The following FTO variants were observed in gnomAD, a reference collection of about 807,000 sequenced individuals.
FTO encodes the protein FTO alpha-ketoglutarate dependent dioxygenase, also known as alpha-ketoglutarate-dependent dioxygenase FTO.
Under a neutral mutation model 63.9 loss-of-function variants are expected in FTO, and 47 were observed. The ratio of observed to expected loss-of-function variants is 0.74; its 90% confidence interval spans 0.58 to 0.94. The LOEUF is 0.94. Ranked by LOEUF, FTO falls within the 40% of genes least tolerant of loss-of-function variation. FTO has a pLI of 0.00. For synonymous variants in FTO, 207 were observed against 224.4 expected (o/e 0.92, Z 0.69); for missense variants, 562 against 618.1 (o/e 0.91, Z 0.96).
intron 7 of FTO, among the ~76,000 whole-genome samples, chr16:53,891,340 CAA>C (rs1046629261): frequency 7.7e-6 from 1 of 129,148 alleles, no homozygotes; most frequent in African/African-American, 3.2e-5. Context: ...TGTTTTTGTT[CAA>C]GAGCTTTTTT....
At chr16:53,815,517 A>G (rs1412746349) in intron 2 of FTO, among the ~76,000 whole-genome samples, 1 of 151,840 alleles carries the variant, frequency 6.6e-6, no homozygotes, top group Non-Finnish European at 1.5e-5. Context: ...TGCCCTCCCC[A>G]GTGCCATCAG....
At chr16:53,835,972 C>T (rs1189458657) in intron 3 of FTO, among the ~76,000 whole-genome samples, 1 of 150,450 alleles carries the variant, frequency 6.6e-6, no homozygotes, top group African/African-American at 2.5e-5. Context: ...TTCACTGCAA[C>T]CTCTGCCTCC....
chr16:53,854,011 A>G (rs12445591), intron 4 of FTO, among the ~76,000 whole-genome samples: 47,039 of 151,990 alleles, frequency 0.31, 8,633 homozygotes, highest in East Asian at 0.63. Flanking sequence ...AATAATGGTC[A>G]TTCTGGCTAG....
intron 6 of FTO, among the ~76,000 whole-genome samples, chr16:53,886,256 T>C (rs1166611306): frequency 6.6e-6 from 1 of 152,216 alleles, no homozygotes; most frequent in Non-Finnish European, 1.5e-5. Context: ...TAATTACATA[T>C]GATAATCTAT....
At chr16:53,803,277 C>G (rs73607080) in intron 1 of FTO, among the ~76,000 whole-genome samples, 1 of 152,148 alleles carries the variant, frequency 6.6e-6, no homozygotes, top group East Asian at 1.9e-4. Flanking sequence ...CTAGGGCTAT[C>G]GCACCACTGC....
chr16:53,870,909 C>T (rs1438390009), intron 4 of FTO, among the ~76,000 whole-genome samples: 1 of 151,954 alleles, frequency 6.6e-6, no homozygotes, highest in Non-Finnish European at 1.5e-5. Context: ...CTTTATTTCA[C>T]TTTTATTTTG....
At chr16:53,754,738 C>T (rs917641599) in intron 1 of FTO, among the ~76,000 whole-genome samples, 6 of 152,154 alleles carry the variant, frequency 3.9e-5, no homozygotes, top group African/African-American at 1.4e-4. Context: ...CATGAAAATA[C>T]CTCAACAACG....
intron 8 of FTO, among the ~76,000 whole-genome samples, chr16:54,048,199 TCTG>T (rs2085225338): frequency 7.1e-6 from 1 of 140,590 alleles, no homozygotes; most frequent in Non-Finnish European, 1.5e-5. Flanking sequence ...AACAAAGACT[TCTG>T]CTGTTTAATG....
intron 4 of FTO, among the ~76,000 whole-genome samples, chr16:53,866,010 C>T (rs1001964923): frequency 1.3e-5 from 2 of 152,166 alleles, no homozygotes; most frequent in African/African-American, 4.8e-5. Flanking sequence ...TTTCATACCG[C>T]TAAGTATGAT....
intron 7 of FTO, among the ~76,000 whole-genome samples, chr16:53,932,924 C>G (rs751059728): frequency 1.3e-5 from 2 of 152,314 alleles, no homozygotes; most frequent in Admixed American, 6.5e-5. Flanking sequence ...GTCTGGCCCA[C>G]ATCCTTCATA....
At chr16:54,016,721 C>T (rs1447159184) in intron 8 of FTO, among the ~76,000 whole-genome samples, 1 of 152,164 alleles carries the variant, frequency 6.6e-6, no homozygotes, top group Non-Finnish European at 1.5e-5. Context: ...AGCCTTTTCT[C>T]TCTCTTCTTG....
chr16:53,872,527 G>A (rs1365018666), intron 4 of FTO, among the ~76,000 whole-genome samples: 1 of 152,176 alleles, frequency 6.6e-6, no homozygotes, highest in Non-Finnish European at 1.5e-5. Context: ...GGCAATTGTA[G>A]GCATCTCTCA....
At chr16:53,959,164 A>G (rs550658059) in intron 8 of FTO, among the ~76,000 whole-genome samples, 1 of 152,336 alleles carries the variant, frequency 6.6e-6, no homozygotes, top group South Asian at 2.1e-4. Flanking sequence ...GAGCCAAAAG[A>G]TGTCAAGTAA....
At chr16:54,074,832 G>A (rs2085947022) in intron 8 of FTO, among the ~76,000 whole-genome samples, 1 of 151,600 alleles carries the variant, frequency 6.6e-6, no homozygotes, top group African/African-American at 2.4e-5. Flanking sequence ...AAGTTATATA[G>A]GCTCCCCAAG....
intron 8 of FTO, among the ~76,000 whole-genome samples, chr16:53,977,890 G>C (rs1217216618): frequency 6.6e-6 from 1 of 150,872 alleles, no homozygotes; most frequent in African/African-American, 2.4e-5. Context: ...ACAGGGTCTT[G>C]CTTTGGTGTT....
chr16:53,789,760 A>G (rs1237200550), intron 1 of FTO, among the ~76,000 whole-genome samples: 2 of 144,256 alleles, frequency 1.4e-5, no homozygotes, highest in Non-Finnish European at 3.0e-5. Context: ...ATACATATAT[A>G]TATATATACA....
At chr16:53,936,855 C>T (rs190219567) in intron 8 of FTO, among the ~76,000 whole-genome samples, 2 of 152,116 alleles carry the variant, frequency 1.3e-5, no homozygotes, top group African/African-American at 2.4e-5. Context: ...ACGGAGCCGC[C>T]GCAGCTGGCA....
intron 8 of FTO, among the ~76,000 whole-genome samples, chr16:53,997,269 T>C (rs2083957630): frequency 6.6e-6 from 1 of 151,902 alleles, no homozygotes. Flanking sequence ...TCGTGAGAAC[T>C]CAATCACTAT....
chr16:54,004,506 C>T (rs964243695), intron 8 of FTO, among the ~76,000 whole-genome samples: 1 of 151,952 alleles, frequency 6.6e-6, no homozygotes, highest in Admixed American at 6.6e-5. Context: ...TCTTTCAAAT[C>T]GCATTTGATG....
Sources: gnomAD v4.1 joint callset for allele counts (sites outside exome capture counted in the v4.1 genomes callset) on GRCh38, gnomAD v4.1.1 for gene constraint, MANE v1.5 for transcripts, NCBI Gene and HGNC (gene_info 2026-07-23, HGNC 2026-07-21) for gene names.